AK7: variants seen among roughly 807,000 people sequenced by gnomAD.
The protein encoded by AK7 is ATP-AMP transphosphorylase 7.
In AK7, 78 loss-of-function variants were observed where a neutral mutation model predicts 96.6. The ratio of observed to expected loss-of-function variants is 0.81; its 90% CI spans 0.67 to 0.97. The LOEUF is 0.97. Ranked by LOEUF, AK7 falls within the 50% of genes least tolerant of loss-of-function variation. AK7 has a pLI of 0.00. For missense variants in AK7, 855 were observed against 887.9 expected (o/e 0.96, Z 0.47); for synonymous variants, 302 against 317.2 (o/e 0.95, Z 0.51).
intron 4 of AK7, among the ~76,000 whole-genome samples, 156 bp downstream of exon 4, chr14:96,409,097 C>T (rs1890891726): frequency 6.6e-6 from 1 of 152,196 alleles, no homozygotes; most frequent in Non-Finnish European, 1.5e-5. Context: ...ACTCTAAGCA[C>T]ATTCAATTCT....
chr14:96,452,411 C>T (rs1359526278), intron 10 of AK7, among the ~76,000 whole-genome samples: 2 of 151,500 alleles, frequency 1.3e-5, no homozygotes, highest in African/African-American at 2.4e-5. Flanking sequence ...CAACCTTTGC[C>T]TCCTGGGTTC....
At chr14:96,451,063 G>A (rs1001897671) in intron 9 of AK7, among the ~76,000 whole-genome samples, 2 of 151,938 alleles carry the variant, frequency 1.3e-5, no homozygotes, top group African/African-American at 4.8e-5. Context: ...CATGAGCCAC[G>A]GCACTCGGCG....
chr14:96,465,031 G>T (rs1184536805), intron 12 of AK7, among the ~76,000 whole-genome samples: 1 of 152,106 alleles, frequency 6.6e-6, no homozygotes, highest in Non-Finnish European at 1.5e-5. Context: ...GAAATATTTT[G>T]TCAGTTTTAT....
intron 3 of AK7, among the ~76,000 whole-genome samples, chr14:96,406,787 C>A (rs1332669814): frequency 6.6e-6 from 1 of 152,000 alleles, no homozygotes; most frequent in Non-Finnish European, 1.5e-5. Flanking sequence ...TGGCCTCAAG[C>A]AATCCTCCTG....
At chr14:96,456,728 G>T in intron 11 of AK7, 1 of 332,316 alleles carries the variant, frequency 3.0e-6, no homozygotes, top group South Asian at 3.7e-5. Flanking sequence ...TGGATGTGGC[G>T]CTTGCTGGCT....
intron 12 of AK7, among the ~76,000 whole-genome samples, chr14:96,471,225 G>A (rs1165138930): frequency 1.3e-5 from 2 of 151,698 alleles, no homozygotes; most frequent in African/African-American, 4.8e-5. Context: ...CCAGCTACTT[G>A]GGAGGCTGAG....
At chr14:96,479,233 T>A (rs59001256) in intron 15 of AK7, among the ~76,000 whole-genome samples, 1 of 151,810 alleles carries the variant, frequency 6.6e-6, no homozygotes. Context: ...CACACCACAG[T>A]GCCCGGCTAA....
intron 15 of AK7, among the ~76,000 whole-genome samples, chr14:96,479,769 A>T (rs913488035): frequency 6.6e-6 from 1 of 152,134 alleles, no homozygotes; most frequent in Non-Finnish European, 1.5e-5. Context: ...CTTCGCACGT[A>T]TTCCTCCTAT....
At chr14:96,401,981 G>C (rs974057567) in intron 2 of AK7, among the ~76,000 whole-genome samples, 2 of 152,200 alleles carry the variant, frequency 1.3e-5, no homozygotes, top group Middle Eastern at 3.2e-3. Context: ...GGCTAAGGGC[G>C]TGAGTAGGGG....
At chr14:96,443,113 A>G (rs781591147) in intron 7 of AK7, among the ~76,000 whole-genome samples, 1 of 152,228 alleles carries the variant, frequency 6.6e-6, no homozygotes, top group Non-Finnish European at 1.5e-5. Flanking sequence ...TGGTGTGTAC[A>G]TTCTGAGGAC....
intron 5 of AK7, among the ~76,000 whole-genome samples, chr14:96,430,274 C>G (rs967054229): frequency 9.9e-5 from 15 of 151,242 alleles, no homozygotes; most frequent in Admixed American, 1.3e-4. Flanking sequence ...CAAGCTCCGC[C>G]TCCTGGGTTC....
Position 96,458,145 on chromosome 14 carries a change from G to T in AK7, c.1290G>T (p.Glu430Asp). The change falls in exon 12 of 18, where the codon GAG becomes GAT. Residue 430 changes from glutamate (E) to aspartate (D), a missense_variant. Transcript: ENST00000267584. ...EGEEEVEEEE[E>D]EENVEDAQEL... is the part of the protein sequence containing the mutation. ...AAGAAGAAGTCGAAGAGGAAGAGGA[G>T]GAGGAGAATGTGGAAGATGCACAGG... 2 of 1,614,074 alleles carry T rather than the reference G, an allele frequency of 1.2e-6. No homozygotes were observed. The highest frequency in any genetic ancestry group is 1.1e-5 in the South Asian group (1 of 91,078).
rs1398176298 is a variant in AK7, at chr14:96,399,859, T to C, written c.294+1596T>C. On this transcript the variant is annotated intron_variant, in intron 2 of 17. Transcript: ENST00000267584. This position sits in a 1 kb window ranked among gnomAD's most constrained non-coding sequence, Gnocchi z 4.1. ...CCCTTCCTACAACAGATGACCTTCC[T>C]AAATCTTATCCAACCCTATAGCTTC... is the stretch of plus-strand genomic sequence containing the variant. 6.6e-6 allele frequency among the ~76,000 whole-genome samples: 1 copy of C among 152,066 alleles called. No individual in the cohort carries two copies. Among genetic ancestry groups the C allele is most frequent in the Non-Finnish European group, 1.5e-5 (1 of 67,996 alleles).
intron 1 of AK7, among the ~76,000 whole-genome samples, chr14:96,394,518 C>G (rs1889942321): frequency 1.3e-5 from 2 of 152,196 alleles, no homozygotes; most frequent in Admixed American, 1.3e-4. Context: ...CCGGGATGCA[C>G]TCATGGTCTG....
chr14:96,479,866 C>T (rs1174409633), intron 15 of AK7, among the ~76,000 whole-genome samples: 2 of 152,102 alleles, frequency 1.3e-5, no homozygotes, highest in African/African-American at 4.8e-5. Context: ...TGCTCTCTAC[C>T]CCCAACTGCC....
chr14:96,407,611 T>C (rs1179499415), intron 3 of AK7, among the ~76,000 whole-genome samples: 3 of 139,870 alleles, frequency 2.1e-5, no homozygotes, highest in African/African-American at 7.9e-5. Flanking sequence ...AGACAGAGTC[T>C]CGCTCTGTTG....
intron 14 of AK7, among the ~76,000 whole-genome samples, 196 bp downstream of exon 14, chr14:96,472,951 G>T (rs564820648): frequency 1.3e-5 from 2 of 152,092 alleles, no homozygotes; most frequent in Non-Finnish European, 2.9e-5. Flanking sequence ...GTGTCGTAGC[G>T]TGTGCCTGTA....
At chr14:96,394,394 A>T (rs183784559) in intron 1 of AK7, among the ~76,000 whole-genome samples, 1 of 152,358 alleles carries the variant, frequency 6.6e-6, no homozygotes, top group Admixed American at 6.5e-5. Flanking sequence ...TCTTAGAGTC[A>T]ATGAATGTGT....
In AK7 at chr14:96,472,771, T is replaced by G. The variant is rs60920648; in HGVS notation, c.1555+16T>G. The G allele has an allele frequency of 3.3e-5, 53 of 1,596,166 alleles. No individual in the cohort carries two copies. The African/African-American group carries it at 5.2e-4, about 16-fold the overall frequency. On this transcript the variant is annotated intron_variant, in intron 14 of 17. Transcript: ENST00000267584. ...ATTATACCTGGTAAGTTTATTTCCC[T>G]AAGATCACATTTAAAAGAATGTTCT...
Sources: allele counts gnomAD v4.1 joint callset (sites outside exome capture counted in the v4.1 genomes callset), GRCh38; gene constraint gnomAD v4.1.1; non-coding constraint Gnocchi (gnomAD v3.1); transcripts MANE v1.5; gene names NCBI Gene and HGNC (gene_info 2026-07-23, HGNC 2026-07-21).